The following DAB1 variants were observed in gnomAD, a reference collection of about 807,000 sequenced individuals.
DAB1 encodes the protein DAB adaptor protein 1.
DAB1 carries 15 observed loss-of-function variants against 64.6 expected under a neutral mutation model. The ratio of observed to expected loss-of-function variants is 0.23; its 90% CI spans 0.16 to 0.36. The LOEUF is 0.36. Among genes scored for constraint, DAB1 ranks in the 10% least tolerant of loss-of-function variants. The pLI is 1.00. For missense variants in DAB1, 596 were observed against 706.7 expected (o/e 0.84, Z 1.78); for synonymous variants, 235 against 251.9 (o/e 0.93, Z 0.64).
At position 57,155,168 on chromosome 1, in the gene DAB1, A is replaced by AT. The variant is rs1425975569; in HGVS notation, c.68-9740dup. On this transcript the variant is annotated intron_variant, in intron 2 of 14. Transcript: ENST00000371236. ...GAAGTTTAATAGACTGAGGTCTTAT[A>AT]TTTAAGTCTTTACCCATTTTGATTT... Among the ~76,000 whole-genome samples the AT allele has an allele frequency of 2.0e-5, 3 of 152,188 alleles. 1 individual carries two copies. The highest frequency in any genetic ancestry group is 4.4e-5 in the Non-Finnish European group (3 of 68,022).
intron 7 of DAB1, among the ~76,000 whole-genome samples, chr1:57,429,627 T>C (rs1366705501): frequency 6.6e-6 from 1 of 152,208 alleles, no homozygotes; most frequent in Admixed American, 6.5e-5. Flanking sequence ...TTGCAAGTCT[T>C]CCATCTGTCG....
At chr1:58,299,690 T>C (rs1429721959) in intron 4 of DAB1, among the ~76,000 whole-genome samples, 1 of 152,194 alleles carries the variant, frequency 6.6e-6, no homozygotes, top group East Asian at 1.9e-4. Flanking sequence ...GTATGTGGAA[T>C]GTAACACATC....
chr1:57,130,233 A>T lies in DAB1; in HGVS notation c.306+6310T>A, dbSNP rs143797969. On this transcript the variant is annotated intron_variant, in intron 4 of 14. Transcript: ENST00000371236. ...TAATGTAATATTATTTAACACCTCG[A>T]GCTTTTTATTTTACTCTGCACTATT... Among the ~76,000 whole-genome samples the T allele has an allele frequency of 3.5e-4, 54 of 152,224 alleles. 1 individual carries two copies. The East Asian group carries it at 9.5e-3, about 27-fold the overall frequency.
chr1:58,340,067 A>G (rs1169468825), intron 4 of DAB1, among the ~76,000 whole-genome samples: 1 of 152,248 alleles, frequency 6.6e-6, no homozygotes, highest in African/African-American at 2.4e-5. Context: ...ACTCTGCAGT[A>G]AAAGTTGTAA....
intron 7 of DAB1, among the ~76,000 whole-genome samples, chr1:57,490,271 A>G (rs1644145245): frequency 6.6e-6 from 1 of 152,174 alleles, no homozygotes; most frequent in East Asian, 1.9e-4. Context: ...ACTCATTTAC[A>G]TAACATTACT....
In DAB1 at chr1:57,596,493, A is replaced by T. The variant is rs1457407256; in HGVS notation, n.625+53099T>A. The stretch of plus-strand genomic sequence containing the variant: ...TCTCTATTTATGCATCCATTTATGG[A>T]TTTTTTTTTTTAAAGAGCCGATTAC... On this transcript the variant is annotated intron_variant and non_coding_transcript_variant, in intron 7 of 20. Transcript: ENST00000485760. Among the ~76,000 whole-genome samples, 4 of 149,162 alleles carry T rather than the reference A, an allele frequency of 2.7e-5. No homozygotes were observed. In the East Asian group the frequency reaches 5.9e-4, roughly 22 times the overall value.
intron 3 of DAB1, among the ~76,000 whole-genome samples, chr1:58,374,284 G>A (rs1164518875): frequency 8.0e-6 from 1 of 125,658 alleles, no homozygotes; most frequent in Non-Finnish European, 1.7e-5. Flanking sequence ...TAATGCCTAG[G>A]TTTTCTTCTA....
chr1:57,774,192 T>C (rs1649689831), intron 6 of DAB1, among the ~76,000 whole-genome samples: 1 of 151,884 alleles, frequency 6.6e-6, no homozygotes, highest in Non-Finnish European at 1.5e-5. Context: ...GTGATTTTCA[T>C]TATATAGGTC....
chr1:57,171,412 G>A (rs550376646), intron 2 of DAB1, among the ~76,000 whole-genome samples: 3 of 152,320 alleles, frequency 2.0e-5, no homozygotes, highest in East Asian at 3.9e-4. Flanking sequence ...TGCTGTCTCT[G>A]CAACACCTGC....
Position 57,272,260 on chromosome 1 carries a change from C to T in DAB1, c.67+18704G>A, listed in dbSNP as rs146262792. 2.1e-3 allele frequency among the ~76,000 whole-genome samples: 313 copies of T among 152,282 alleles called. 3 individuals are homozygous for T. Among genetic ancestry groups the T allele is most frequent in the African/African-American group, 7.2e-3 (300 of 41,548 alleles). ...CTTAAAGCCATAAAGTAGAACCACA[C>T]GCCTGGAGACCATTCAAGTGTTGAG... On this transcript the variant is annotated intron_variant, in intron 2 of 14. Coordinates refer to ENST00000371236, the MANE Select transcript of DAB1 (RefSeq NM_001365792.1).
chr1:57,966,861 T>C (rs1645678742), intron 5 of DAB1, among the ~76,000 whole-genome samples: 1 of 152,200 alleles, frequency 6.6e-6, no homozygotes, highest in African/African-American at 2.4e-5. Context: ...CTTATTCATC[T>C]TGTGGTCATG....
At chr1:57,508,176 G>A (rs12120223) in intron 7 of DAB1, among the ~76,000 whole-genome samples, 42,315 of 151,994 alleles carry the variant, frequency 0.28, 7,324 homozygotes, top group Non-Finnish European at 0.39. Context: ...AACTTTCCCC[G>A]AACATTCCAA....
intron 3 of DAB1, among the ~76,000 whole-genome samples, chr1:58,350,117 C>G (rs1246551977): frequency 1.3e-5 from 2 of 152,188 alleles, no homozygotes; most frequent in East Asian, 1.9e-4. Flanking sequence ...TCTCCAGTAT[C>G]TGTTTTTTCC....
chr1:57,963,075 C>G (rs542817964), intron 5 of DAB1, among the ~76,000 whole-genome samples: 10 of 152,242 alleles, frequency 6.6e-5, no homozygotes, highest in Admixed American at 1.3e-4. Flanking sequence ...ATTAAGCTCA[C>G]ATATGACAGT....
intron 5 of DAB1, among the ~76,000 whole-genome samples, chr1:58,046,278 C>T (rs1360492359): frequency 6.6e-6 from 1 of 152,138 alleles, no homozygotes; most frequent in Admixed American, 6.5e-5. Context: ...TAGTGTATAT[C>T]AAATATCCAA....
intron 6 of DAB1, among the ~76,000 whole-genome samples, chr1:57,675,508 C>T (rs1485712092): frequency 6.6e-6 from 1 of 152,172 alleles, no homozygotes; most frequent in Non-Finnish European, 1.5e-5. Context: ...AGGATGATAT[C>T]ACAACTATCT....
chr1:57,211,432 T>C (rs556423461), intron 2 of DAB1, among the ~76,000 whole-genome samples: 91 of 152,212 alleles, frequency 6.0e-4, no homozygotes, highest in Admixed American at 9.2e-4. Flanking sequence ...CTATCACAGG[T>C]ATGGTATGAT....
intron 4 of DAB1, among the ~76,000 whole-genome samples, chr1:58,285,759 C>T (rs1359645271): frequency 6.6e-6 from 1 of 152,186 alleles, no homozygotes; most frequent in Non-Finnish European, 1.5e-5. Context: ...TTTGTAGATT[C>T]AATGCTATTC....
chr1:57,202,823 A>G (rs1665216896), intron 2 of DAB1, among the ~76,000 whole-genome samples: 2 of 152,206 alleles, frequency 1.3e-5, no homozygotes, highest in African/African-American at 4.8e-5. Context: ...TGTTGCTCTC[A>G]GGATGAAGTC....
Sources: gnomAD v4.1 joint callset for allele counts (sites outside exome capture counted in the v4.1 genomes callset) on GRCh38, gnomAD v4.1.1 for gene constraint, MANE v1.5 for transcripts, NCBI Gene and HGNC (gene_info 2026-07-23, HGNC 2026-07-21) for gene names.